The following VMA12 variants were observed in gnomAD, a reference collection of about 807,000 sequenced individuals.
VMA12 encodes vacuolar ATPase assembly factor VMA12, also known as vacuolar ATPase assembly protein VMA12.
chr17:28,359,108 TG>T, the VMA12 span: 6 of 1,068,260 alleles, frequency 5.6e-6, no homozygotes, highest in Non-Finnish European at 6.7e-6. Flanking sequence ...CTTTGGGATC[TG>T]GGGGAGCCAG....
chr17:28,358,374 C>T, the VMA12 span: 1 of 472,232 alleles, frequency 2.1e-6, no homozygotes, highest in South Asian at 1.5e-5. Flanking sequence ...CCAGTCCTAG[C>T]TCTGTCACTA....
chr17:28,359,215 T>C, the VMA12 span: 1 of 1,294,144 alleles, frequency 7.7e-7, no homozygotes, highest in Non-Finnish European at 1.1e-6. Flanking sequence ...GTGGGTCTCC[T>C]GATACCTTTA....
chr17:28,359,247 C>A, the VMA12 span: 1 of 1,539,886 alleles, frequency 6.5e-7, no homozygotes. Flanking sequence ...CCCCTGGAAC[C>A]AATGATTGTG....
the VMA12 span, chr17:28,358,887 A>C: frequency 5.0e-6 from 8 of 1,589,532 alleles, no homozygotes; most frequent in African/African-American, 1.1e-4. Flanking sequence ...CTCGTGGATC[A>C]TTGTGTTTGT....
the VMA12 span, chr17:28,358,212 C>T: frequency 2.4e-6 from 1 of 411,800 alleles, no homozygotes; most frequent in Non-Finnish European, 4.7e-6. Context: ...TAGGAATCAG[C>T]TTAGCATAGT....
At chr17:28,358,425 C>T in the VMA12 span, 5 of 472,102 alleles carry the variant, frequency 1.1e-5, no homozygotes, top group Middle Eastern at 3.2e-4. Flanking sequence ...GGCCTCAGTT[C>T]CCTTATGTGT....
chr17:28,359,050 A>C, the VMA12 span: 3 of 1,429,278 alleles, frequency 2.1e-6, no homozygotes, highest in Admixed American at 6.5e-5. Flanking sequence ...TCCATGATAC[A>C]CTGAACTTAT....
the VMA12 span, chr17:28,359,416 C>G: frequency 6.2e-7 from 1 of 1,613,388 alleles, no homozygotes; most frequent in East Asian, 2.2e-5. Flanking sequence ...TAAGGACATG[C>G]TCTTCAGTAC....
the VMA12 span, chr17:28,359,509 A>T: frequency 9.2e-7 from 1 of 1,081,144 alleles, no homozygotes; most frequent in Non-Finnish European, 1.4e-6. Context: ...CTTGGTTTCT[A>T]TACTGTTCAG....
chr17:28,359,207 G>T, the VMA12 span: 1 of 1,186,868 alleles, frequency 8.4e-7, no homozygotes. Context: ...ACTAGTATGT[G>T]GGTCTCCTGA....
chr17:28,359,426 C>T, the VMA12 span: 116 of 1,611,498 alleles, frequency 7.2e-5, no homozygotes, highest in Non-Finnish European at 9.4e-5. Flanking sequence ...CTCTTCAGTA[C>T]GTGGTCTAGG....
the VMA12 span, chr17:28,357,962 T>C: frequency 6.8e-7 from 1 of 1,461,994 alleles, no homozygotes; most frequent in East Asian, 2.3e-5. Flanking sequence ...ATCATTCCCC[T>C]TCTTCTACGG....
the VMA12 span, chr17:28,359,111 G>A: frequency 9.4e-7 from 1 of 1,058,602 alleles, no homozygotes; most frequent in Non-Finnish European, 1.4e-6. Context: ...TGGGATCTGG[G>A]GGAGCCAGAT....
the VMA12 span, chr17:28,359,631 C>T: frequency 1.2e-5 from 3 of 260,196 alleles, no homozygotes; most frequent in South Asian, 4.5e-5. Context: ...GTTAGCCGGG[C>T]ACGGCGCTCA....
At chr17:28,360,684 C>A in the VMA12 span, 6 of 1,603,964 alleles carry the variant, frequency 3.7e-6, no homozygotes, top group Admixed American at 1.0e-4. Flanking sequence ...GATAAGAGCA[C>A]CTCCTAGAGA....
chr17:28,361,429 G>T, the VMA12 span: 6 of 609,662 alleles, frequency 9.8e-6, no homozygotes, highest in Admixed American at 8.8e-5. Flanking sequence ...TTTCCAAAGG[G>T]AGCATTGGAG....
chr17:28,361,276 G>C, the VMA12 span: 1 of 1,611,888 alleles, frequency 6.2e-7, no homozygotes, highest in African/African-American at 1.3e-5. Context: ...ATCAAGTCTA[G>C]AGAAGACTTT....
the VMA12 span, chr17:28,358,031 T>A: frequency 1.3e-6 from 1 of 795,444 alleles, no homozygotes; most frequent in Non-Finnish European, 1.9e-6. Context: ...CCCACTTTCT[T>A]AACTCCCATG....
chr17:28,361,502 C>A, the VMA12 span: 1 of 473,878 alleles, frequency 2.1e-6, no homozygotes, highest in African/African-American at 2.0e-5. Context: ...GTACCTCTTC[C>A]TGAATCTGGT....
Sources: gnomAD v4.1 joint callset for allele counts on GRCh38, gnomAD v4.1.1 for gene constraint, MANE v1.5 for transcripts, NCBI Gene and HGNC (gene_info 2026-07-23, HGNC 2026-07-21) for gene names.